Variants in CNTN5 observed in about 807,000 individuals in gnomAD.
CNTN5 encodes contactin-5.
A neutral mutation model predicts 129.1 loss-of-function variants in CNTN5; 77 were observed. The observed-to-expected ratio is 0.60, with a 90% CI of 0.50 to 0.72. The LOEUF is 0.72. Among genes scored for constraint, CNTN5 ranks in the 30% least tolerant of loss-of-function variants. CNTN5 has a pLI of 0.00. For synonymous variants in CNTN5, 509 were observed against 465.6 expected (o/e 1.09, Z -1.20); for missense variants, 1,478 against 1,328.8 (o/e 1.11, Z -1.75).
chr11:99,876,139 G>A (rs1044773940), intron 6 of CNTN5, among the ~76,000 whole-genome samples: 2 of 152,042 alleles, frequency 1.3e-5, no homozygotes, highest in African/African-American at 4.8e-5. Context: ...AGAATACTCT[G>A]TAACTTTCAC....
intron 6 of CNTN5, among the ~76,000 whole-genome samples, chr11:99,854,684 G>T (rs1311923851): frequency 2.6e-5 from 4 of 152,288 alleles, no homozygotes; most frequent in East Asian, 3.9e-4. Context: ...GTCTGAGATA[G>T]ATTTATTCTG....
At chr11:99,589,411 T>C (rs896998532) in intron 3 of CNTN5, among the ~76,000 whole-genome samples, 23 of 152,204 alleles carry the variant, frequency 1.5e-4, no homozygotes, top group African/African-American at 5.5e-4. Context: ...GTATTCAACA[T>C]TCTAAACCAC....
At chr11:99,254,747 C>T (rs146177817) in intron 1 of CNTN5, among the ~76,000 whole-genome samples, 10 of 151,900 alleles carry the variant, frequency 6.6e-5, no homozygotes, top group South Asian at 4.2e-4. Flanking sequence ...ATAATGTATG[C>T]TATCATTTAA....
chr11:100,152,756 T>TA (rs1947111717), intron 13 of CNTN5, among the ~76,000 whole-genome samples: 1 of 152,148 alleles, frequency 6.6e-6, no homozygotes, highest in African/African-American at 2.4e-5. Flanking sequence ...AATGATTCTT[T>TA]AAAAATGTCT....
intron 18 of CNTN5, among the ~76,000 whole-genome samples, chr11:100,283,908 T>C (rs1233090363): frequency 6.6e-6 from 1 of 152,082 alleles, no homozygotes; most frequent in Non-Finnish European, 1.5e-5. Context: ...ATCGGGCCAT[T>C]GCACTCCATC....
intron 21 of CNTN5, among the ~76,000 whole-genome samples, chr11:100,320,555 A>G (rs1447033521): frequency 1.3e-5 from 2 of 151,382 alleles, no homozygotes; most frequent in Middle Eastern, 3.5e-3. Context: ...ATGTAATCCC[A>G]TTTGGTTTTT....
At chr11:99,522,444 G>A (rs1317949269) in intron 2 of CNTN5, among the ~76,000 whole-genome samples, 1 of 151,794 alleles carries the variant, frequency 6.6e-6, no homozygotes, top group Non-Finnish European at 1.5e-5. Flanking sequence ...ATATGCAAAG[G>A]GCTATTCTAG....
At chr11:100,214,436 C>T (rs1949099107) in intron 15 of CNTN5, among the ~76,000 whole-genome samples, 1 of 152,146 alleles carries the variant, frequency 6.6e-6, no homozygotes, top group Non-Finnish European at 1.5e-5. Flanking sequence ...CCTAAATACA[C>T]AGTTAAACCA....
intron 2 of CNTN5, among the ~76,000 whole-genome samples, chr11:99,555,841 T>C (rs1298018910): frequency 1.3e-5 from 2 of 151,886 alleles, no homozygotes; most frequent in Admixed American, 1.3e-4. Flanking sequence ...ATATAGCTAT[T>C]ACACATTCCC....
At chr11:100,339,931 C>T (rs1326077396) in intron 21 of CNTN5, among the ~76,000 whole-genome samples, 1 of 152,156 alleles carries the variant, frequency 6.6e-6, no homozygotes, top group East Asian at 1.9e-4. Flanking sequence ...ACCCTCCCTA[C>T]CCCCAGATCC....
chr11:99,956,788 A>G lies in CNTN5; in HGVS notation c.674-18A>G, dbSNP rs1950813769. 6.2e-7 allele frequency: 1 copy of G among 1,608,062 alleles called. No homozygotes were observed. The highest frequency in any genetic ancestry group is 8.5e-7 in the Non-Finnish European group (1 of 1,175,598). On this transcript the variant is annotated intron_variant, in intron 7 of 24. Transcript: ENST00000524871. ...AAAAATCAAAGTCTTTCGTTGACCA[A>G]ATTTTGTGTATTTTCAGAGATCATC...
chr11:99,156,927 TGA>T (rs1431709439), intron 1 of CNTN5, among the ~76,000 whole-genome samples: 2 of 151,876 alleles, frequency 1.3e-5, no homozygotes, highest in Admixed American at 1.3e-4. Context: ...AGAGTATAAC[TGA>T]GAGTGTTTGG....
intron 3 of CNTN5, among the ~76,000 whole-genome samples, chr11:99,580,826 T>C (rs1242314805): frequency 4.0e-5 from 5 of 123,662 alleles, no homozygotes; most frequent in Non-Finnish European, 8.4e-5. Context: ...TGTGTCTTTA[T>C]TTCCTTCAGT....
intron 9 of CNTN5, among the ~76,000 whole-genome samples, chr11:100,006,970 C>T (rs931408094): frequency 1.3e-5 from 2 of 152,098 alleles, no homozygotes; most frequent in African/African-American, 4.8e-5. Context: ...ATGAAAATAA[C>T]ATTAATATTG....
At chr11:100,284,309 T>C (rs1012387799) in intron 18 of CNTN5, among the ~76,000 whole-genome samples, 2 of 152,202 alleles carry the variant, frequency 1.3e-5, no homozygotes, top group African/African-American at 4.8e-5. Context: ...CAGTGGAGCC[T>C]TCTATTCTGC....
At chr11:99,960,927 G>T (rs1485610545) in intron 8 of CNTN5, among the ~76,000 whole-genome samples, 1 of 152,102 alleles carries the variant, frequency 6.6e-6, no homozygotes, top group Non-Finnish European at 1.5e-5. Context: ...AACAGGCCAG[G>T]CACCGTGGCT....
chr11:99,876,240 G>A (rs952823242), intron 6 of CNTN5, among the ~76,000 whole-genome samples: 3 of 152,074 alleles, frequency 2.0e-5, no homozygotes, highest in African/African-American at 7.2e-5. Flanking sequence ...CCTGCATCTG[G>A]AACCCCATGG....
chr11:99,881,645 A>G (rs770089066), intron 6 of CNTN5, among the ~76,000 whole-genome samples: 3 of 152,124 alleles, frequency 2.0e-5, no homozygotes, highest in Non-Finnish European at 4.4e-5. Context: ...TATTTTTAAA[A>G]TAAAATAAAG....
intron 3 of CNTN5, among the ~76,000 whole-genome samples, chr11:99,584,107 A>T (rs1189586629): frequency 6.6e-6 from 1 of 152,176 alleles, no homozygotes; most frequent in Non-Finnish European, 1.5e-5. Flanking sequence ...TTTCTCTACC[A>T]AATGTTCTTT....
Sources: gnomAD v4.1 joint callset for allele counts (sites outside exome capture counted in the v4.1 genomes callset) on GRCh38, gnomAD v4.1.1 for gene constraint, MANE v1.5 for transcripts, NCBI Gene and HGNC (gene_info 2026-07-23, HGNC 2026-07-21) for gene names.